Variants in CSGALNACT1 observed in about 807,000 individuals in gnomAD.
CSGALNACT1 encodes the protein chondroitin sulfate N-acetylgalactosaminyltransferase 1.
In CSGALNACT1, 52 loss-of-function variants were observed where a neutral mutation model predicts 51.0. That is an observed-to-expected ratio of 1.02 (90% CI 0.82 to 1.29). The LOEUF (loss-of-function observed/expected upper bound fraction) is 1.29. Ranked by LOEUF, CSGALNACT1 falls within the 50% of genes most tolerant of loss-of-function variation. CSGALNACT1 has a pLI of 0.00. For synonymous variants in CSGALNACT1, 341 were observed against 254.4 expected, an observed-to-expected ratio of 1.34 and a Z score of -3.24; for missense variants, 935 against 679.2, an observed-to-expected ratio of 1.38 and a Z score of -4.19.
At chr8:19,565,992 T>C (rs935617737) in intron 3 of CSGALNACT1, among the ~76,000 whole-genome samples, 6 of 152,200 alleles carry the variant, frequency 3.9e-5, no homozygotes, top group Admixed American at 1.3e-4. Flanking sequence ...TACATCATCA[T>C]CAAAATATAG....
At chr8:19,521,607 T>C (rs2080720092) in intron 3 of CSGALNACT1, among the ~76,000 whole-genome samples, 1 of 151,824 alleles carries the variant, frequency 6.6e-6, no homozygotes, top group Admixed American at 6.6e-5. Flanking sequence ...TGCTTGTACA[T>C]GGGAGGCGGA....
intron 5 of CSGALNACT1, among the ~76,000 whole-genome samples, chr8:19,454,340 A>G (rs1464187309): frequency 6.6e-6 from 1 of 152,210 alleles, no homozygotes; most frequent in Non-Finnish European, 1.5e-5. Flanking sequence ...TGTAGTTATA[A>G]AGTAGAATGT....
chr8:19,504,154 G>T (rs970077028), intron 4 of CSGALNACT1, among the ~76,000 whole-genome samples: 1 of 152,010 alleles, frequency 6.6e-6, no homozygotes, highest in Non-Finnish European at 1.5e-5. Flanking sequence ...TCGGCTCACT[G>T]CAAGCTCTGC....
chr8:19,715,798 T>A (rs1057361815), intron 1 of CSGALNACT1, among the ~76,000 whole-genome samples: 1 of 152,120 alleles, frequency 6.6e-6, no homozygotes, highest in Non-Finnish European at 1.5e-5. Context: ...TTGGGCTGAC[T>A]TGGAGGTTTG....
chr8:19,598,243 T>C (rs1041822725), intron 2 of CSGALNACT1, among the ~76,000 whole-genome samples: 2 of 152,156 alleles, frequency 1.3e-5, no homozygotes, highest in African/African-American at 4.8e-5. Flanking sequence ...AAAAACCTAC[T>C]GGAAGGCATG....
chr8:19,656,606 A>C (rs2058304284), intron 1 of CSGALNACT1, among the ~76,000 whole-genome samples: 2 of 142,046 alleles, frequency 1.4e-5, no homozygotes, highest in South Asian at 2.5e-4. Context: ...CCCCCCACAC[A>C]CACACACGAG....
chr8:19,446,584 G>A (rs1020327017), intron 5 of CSGALNACT1, among the ~76,000 whole-genome samples: 1 of 152,078 alleles, frequency 6.6e-6, no homozygotes, highest in African/African-American at 2.4e-5. Flanking sequence ...TGCCATCTTG[G>A]CTCACCAAAG....
chr8:19,731,590 C>A (rs960903078), intron 1 of CSGALNACT1, among the ~76,000 whole-genome samples: 2 of 152,122 alleles, frequency 1.3e-5, no homozygotes, highest in African/African-American at 2.4e-5. Flanking sequence ...TCCCCTAATG[C>A]ATCTCCATCT....
intron 3 of CSGALNACT1, among the ~76,000 whole-genome samples, chr8:19,572,300 G>C (rs549294624): frequency 1.3e-5 from 2 of 152,310 alleles, no homozygotes; most frequent in South Asian, 4.1e-4. Flanking sequence ...GTTGAAATTT[G>C]TGCCATTAAT....
chr8:19,730,570 G>T (rs554110867), intron 1 of CSGALNACT1, among the ~76,000 whole-genome samples: 3 of 152,158 alleles, frequency 2.0e-5, no homozygotes, highest in Non-Finnish European at 4.4e-5. Context: ...TGAACCCACC[G>T]GAAGGAATAA....
intron 1 of CSGALNACT1, among the ~76,000 whole-genome samples, chr8:19,753,038 C>T (rs2065138127): frequency 6.6e-6 from 1 of 152,164 alleles, no homozygotes; most frequent in Admixed American, 6.5e-5. Context: ...TTGTCCCATC[C>T]TGCATAAAGC....
At chr8:19,750,742 C>A (rs903912440) in intron 1 of CSGALNACT1, among the ~76,000 whole-genome samples, 1 of 152,118 alleles carries the variant, frequency 6.6e-6, no homozygotes, top group African/African-American at 2.4e-5. Context: ...CTTGGTATTC[C>A]CTGCAGTGTC....
intron 2 of CSGALNACT1, among the ~76,000 whole-genome samples, chr8:19,595,099 T>C (rs1407076802): frequency 1.3e-5 from 2 of 152,226 alleles, no homozygotes; most frequent in African/African-American, 4.8e-5. Flanking sequence ...GCCTCATTGA[T>C]TTCTGTTTCT....
chr8:19,651,486 G>A (rs575182237), intron 1 of CSGALNACT1, among the ~76,000 whole-genome samples: 1 of 152,218 alleles, frequency 6.6e-6, no homozygotes, highest in South Asian at 2.1e-4. Context: ...TCAACGTTTA[G>A]CTCCCACTTG....
At chr8:19,519,987 G>A (rs147675696) in intron 3 of CSGALNACT1, among the ~76,000 whole-genome samples, 43 of 152,334 alleles carry the variant, frequency 2.8e-4, no homozygotes, top group East Asian at 1.7e-3. Flanking sequence ...TGGCAATGCC[G>A]GCACCCACTC....
chr8:19,505,422 T>C (rs1301981803), exon 4 of CSGALNACT1: 2 of 1,614,076 alleles, frequency 1.2e-6, no homozygotes, highest in East Asian at 2.2e-5. Flanking sequence ...TGTGGCCAGC[T>C]TGACGCCAGC....
At chr8:19,631,567 A>G (rs996569566) in intron 1 of CSGALNACT1, among the ~76,000 whole-genome samples, 2 of 152,234 alleles carry the variant, frequency 1.3e-5, no homozygotes, top group African/African-American at 4.8e-5. Flanking sequence ...AAATTCTTTA[A>G]AACTACTAAT....
At chr8:19,715,354 C>T (rs1035672238) in intron 1 of CSGALNACT1, among the ~76,000 whole-genome samples, 1 of 152,126 alleles carries the variant, frequency 6.6e-6, no homozygotes, top group African/African-American at 2.4e-5. Flanking sequence ...TATTTAGCTC[C>T]CACTTATAAG....
intron 1 of CSGALNACT1, among the ~76,000 whole-genome samples, chr8:19,717,230 A>G (rs2062860233): frequency 1.3e-5 from 2 of 152,230 alleles, no homozygotes; most frequent in African/African-American, 2.4e-5. Flanking sequence ...TCTCCATCTT[A>G]GTGAAGCCAC....
Sources: allele counts gnomAD v4.1 joint callset (sites outside exome capture counted in the v4.1 genomes callset), GRCh38; gene constraint gnomAD v4.1.1; transcripts MANE v1.5; gene names NCBI Gene and HGNC (gene_info 2026-07-23, HGNC 2026-07-21).